GYPB: variants seen among roughly 807,000 people sequenced by gnomAD.
GYPB encodes the protein glycophorin B (MNS blood group), also known as glycophorin-B.
A neutral mutation model predicts 15.3 loss-of-function variants in GYPB; 13 were observed. The observed-to-expected ratio is 0.85, with a 90% CI of 0.55 to 1.35. The LOEUF (loss-of-function observed/expected upper bound fraction) is 1.35. GYPB is among the 40% of genes most tolerant of loss of function. The pLI, the probability that GYPB is intolerant of heterozygous loss-of-function variation, is 0.00. For missense variants in GYPB, 131 were observed against 108.3 expected (o/e 1.21, Z -0.93); for synonymous variants, 38 against 36.9 (o/e 1.03, Z -0.11).
intron 4 of GYPB, 102 bp downstream of exon 4, chr4:143,997,438 C>A (rs1452130986): frequency 1.4e-6 from 1 of 696,190 alleles, no homozygotes; most frequent in Non-Finnish European, 2.6e-6. Flanking sequence ...GAATTTTATG[C>A]AGTTCTGTTT....
chr4:144,009,462 CA>C (rs1456581440), intron 1 of GYPB, among the ~76,000 whole-genome samples: 1 of 150,334 alleles, frequency 6.7e-6, no homozygotes, highest in Non-Finnish European at 1.5e-5. Flanking sequence ...TGTCACTGTG[CA>C]AAAGCAGCTA....
intron 1 of GYPB, among the ~76,000 whole-genome samples, chr4:144,014,888 C>A (rs1477348329): frequency 6.6e-6 from 1 of 151,348 alleles, no homozygotes; most frequent in Non-Finnish European, 1.5e-5. Flanking sequence ...TTATTCAGAA[C>A]CTGCCTATAT....
At chr4:144,012,915 A>C (rs1728290930) in intron 1 of GYPB, among the ~76,000 whole-genome samples, 1 of 151,740 alleles carries the variant, frequency 6.6e-6, no homozygotes, top group East Asian at 1.9e-4. Flanking sequence ...TTTAGATATG[A>C]TATCAAAAGC....
At position 144,002,642 on chromosome 4, in the gene GYPB, GCTT is replaced by G. The variant is rs1727687439; in HGVS notation, c.38-1362_38-1360del. ...AGTGCAGTGGAGTGGAGGTGGAAGG[GCTT>G]CTTCTCAGAGGCAGCCAACTTGGCC... On this transcript the variant is annotated intron_variant, in intron 1 of 4. Coordinates refer to ENST00000502664, the MANE Select transcript of GYPB (RefSeq NM_002100.6). 2.3e-6 allele frequency: 3 copies of G among 1,285,818 alleles called. No homozygotes were observed. In the South Asian group the frequency reaches 3.7e-5, roughly 16 times the overall value. 79.7% of individuals were successfully genotyped at this position (1,285,818 alleles called of 1,614,324 possible).
chr4:144,002,731 G>T lies in GYPB; in HGVS notation c.38-1448C>A, dbSNP rs193175794. 1,497 of 1,276,600 alleles carry T rather than the reference G, an allele frequency of 1.2e-3. 67 individuals are homozygous for T. The African/African-American group carries it at 0.022, about 18-fold the overall frequency. 79.1% of individuals were successfully genotyped at this position (1,276,600 alleles called of 1,614,324 possible). On this transcript the variant is annotated intron_variant, in intron 1 of 4. Coordinates refer to ENST00000502664, the MANE Select transcript of GYPB (RefSeq NM_002100.6). ...ACAAATAACAGAAAACATCTTCTCT[G>T]ACACCTCTCATTAGTCTACTCAAGG... is the stretch of plus-strand genomic sequence containing the variant.
chr4:144,002,856 G>T (rs1157020943), intron 1 of GYPB, among the ~76,000 whole-genome samples: 1 of 151,328 alleles, frequency 6.6e-6, no homozygotes, highest in African/African-American at 2.5e-5. Context: ...AACTGTCTAT[G>T]TTTTCTCTTC....
chr4:144,015,558 T>G (rs1436278565), intron 1 of GYPB, among the ~76,000 whole-genome samples: 1 of 151,478 alleles, frequency 6.6e-6, no homozygotes, highest in Non-Finnish European at 1.5e-5. Flanking sequence ...ATAGATGTTT[T>G]GAATAATCTT....
chr4:144,004,564 T>C (rs1175491140), intron 1 of GYPB, among the ~76,000 whole-genome samples: 2 of 151,112 alleles, frequency 1.3e-5, no homozygotes, highest in African/African-American at 4.9e-5. Context: ...TTAAAGAATT[T>C]CATCAATACC....
chr4:144,015,385 T>A (rs1467557547), intron 1 of GYPB, among the ~76,000 whole-genome samples: 1 of 151,466 alleles, frequency 6.6e-6, no homozygotes, highest in Non-Finnish European at 1.5e-5. Flanking sequence ...GCTGGAAATC[T>A]ATGATGTAAA....
At chr4:144,016,204 C>T (rs1728492131) in intron 1 of GYPB, among the ~76,000 whole-genome samples, 1 of 142,382 alleles carries the variant, frequency 7.0e-6, no homozygotes, top group East Asian at 2.1e-4. Context: ...ACATGTGCTT[C>T]TCAGACTGAT....
intron 2 of GYPB, chr4:144,000,435 A>G (rs144801086): frequency 0.02 from 23,639 of 1,174,442 alleles, 325 homozygotes; most frequent in Non-Finnish European, 0.024. Context: ...CTGAAACTTC[A>G]TTAGCAGTAT....
At chr4:144,017,224 G>A (rs536840647) in intron 1 of GYPB, among the ~76,000 whole-genome samples, 12 of 148,932 alleles carry the variant, frequency 8.1e-5, no homozygotes, top group African/African-American at 2.5e-4. Context: ...AGTCATATTA[G>A]AAAAAATGGG....
chr4:144,016,431 C>T (rs1313591105), intron 1 of GYPB, among the ~76,000 whole-genome samples: 8 of 147,830 alleles, frequency 5.4e-5, no homozygotes, highest in Non-Finnish European at 8.9e-5. Flanking sequence ...TTCTTTCTTC[C>T]TTCCTCTCCC....
intron 1 of GYPB, among the ~76,000 whole-genome samples, chr4:144,018,788 T>A (rs1430077747): frequency 6.7e-6 from 1 of 149,600 alleles, no homozygotes; most frequent in Admixed American, 6.7e-5. Flanking sequence ...AGCAAACAAC[T>A]CCCCACGGTT....
downstream of GYPB, among the ~76,000 whole-genome samples, chr4:143,995,913 T>G (rs971355471): frequency 2.0e-5 from 3 of 151,264 alleles, no homozygotes; most frequent in Admixed American, 6.6e-5. Context: ...TCCAATATAT[T>G]TCACATGAGA....
chr4:144,010,337 A>G (rs1728154193), intron 1 of GYPB, among the ~76,000 whole-genome samples: 1 of 151,314 alleles, frequency 6.6e-6, no homozygotes, highest in Non-Finnish European at 1.5e-5. Context: ...GGTGTGGTTG[A>G]GCACACCTGA....
intron 1 of GYPB, among the ~76,000 whole-genome samples, chr4:144,010,264 G>A (rs145367342): frequency 6.6e-6 from 1 of 151,152 alleles, no homozygotes; most frequent in African/African-American, 2.5e-5. Flanking sequence ...AGGAGCTTGA[G>A]ACCAGCCTGG....
chr4:144,013,894 G>C (rs1252537714), intron 1 of GYPB, among the ~76,000 whole-genome samples: 1 of 150,674 alleles, frequency 6.6e-6, no homozygotes, highest in Non-Finnish European at 1.5e-5. Flanking sequence ...TTGTGCACAT[G>C]TACCCTAAAA....
intron 1 of GYPB, among the ~76,000 whole-genome samples, chr4:144,007,665 A>G (rs1020816944): frequency 4.0e-5 from 6 of 151,576 alleles, no homozygotes; most frequent in Non-Finnish European, 7.3e-5. Flanking sequence ...GTGGGAAAGG[A>G]GAGCAGAGTT....
Sources: gnomAD v4.1 joint callset for allele counts (sites outside exome capture counted in the v4.1 genomes callset) on GRCh38, gnomAD v4.1.1 for gene constraint, MANE v1.5 for transcripts, NCBI Gene and HGNC (gene_info 2026-07-23, HGNC 2026-07-21) for gene names.